Variants in RBFOX3 observed in about 807,000 individuals in gnomAD.
RBFOX3 encodes RNA binding fox-1 homolog 3.
A neutral mutation model predicts 48.7 loss-of-function variants in RBFOX3; 17 were observed. That is an observed-to-expected ratio of 0.35 (90% CI 0.24 to 0.52). The LOEUF (loss-of-function observed/expected upper bound fraction) is 0.52. RBFOX3 is among the 20% of genes least tolerant of loss of function. RBFOX3 has a pLI of 0.94. For synonymous variants in RBFOX3, 212 were observed against 209.5 expected (o/e 1.01, Z -0.10); for missense variants, 382 against 497.5 (o/e 0.77, Z 2.21).
chr17:79,306,092 G>C (rs988406353), intron 3 of RBFOX3, among the ~76,000 whole-genome samples: 1 of 152,228 alleles, frequency 6.6e-6, no homozygotes, highest in Non-Finnish European at 1.5e-5. Context: ...GAATCTAGCC[G>C]ATAGGGCTCC....
At position 79,311,062 on chromosome 17, in the gene RBFOX3, C is replaced by T. The variant is rs542580653; in HGVS notation, c.-174-3238G>A. On this transcript the variant is annotated intron_variant, in intron 2 of 14. Transcript: ENST00000693108. The surrounding 1 kb of genome is among the most constrained non-coding windows in gnomAD (Gnocchi z 4.2). ...GGTGGGTGGGCTTCATCCAGTCAGT[C>T]GAAAGGCTTCATCCGGTCAGTTAAA... 4.6e-5 allele frequency among the ~76,000 whole-genome samples: 7 copies of T among 152,206 alleles called. No homozygotes were observed. The highest frequency in any genetic ancestry group is 2.1e-4 in the South Asian group (1 of 4,822).
At chr17:79,578,451 T>TG (rs2092934344) in intron 1 of RBFOX3, among the ~76,000 whole-genome samples, 1 of 152,238 alleles carries the variant, frequency 6.6e-6, no homozygotes, top group African/African-American at 2.4e-5. Context: ...TGCCGTTCTT[T>TG]GGGGAGGTGG....
At chr17:79,645,164 G>A in the RBFOX3 span, among the ~76,000 whole-genome samples, 5 of 151,948 alleles carry the variant, frequency 3.3e-5, no homozygotes, top group East Asian at 3.9e-4. Context: ...GCCCCCGAAC[G>A]GTCTCCCCAC....
intron 3 of RBFOX3, among the ~76,000 whole-genome samples, chr17:79,273,536 T>A (rs2068117368): frequency 7.3e-6 from 1 of 137,388 alleles, no homozygotes; most frequent in Non-Finnish European, 1.5e-5. Flanking sequence ...AAGCCAGGCT[T>A]AGCTTGGCAG....
chr17:79,105,554 A>G (rs1166296951), intron 6 of RBFOX3, among the ~76,000 whole-genome samples: 1 of 152,184 alleles, frequency 6.6e-6, no homozygotes, highest in Admixed American at 6.5e-5. Flanking sequence ...CCAGCCCTCC[A>G]ATGAGTCTAG....
Position 79,548,088 on chromosome 17 carries a change from T to C in RBFOX3, c.-320+62738A>G, listed in dbSNP as rs552437241. Among the ~76,000 whole-genome samples the C allele has an allele frequency of 2.2e-4, 34 of 152,274 alleles. No homozygotes were observed. The South Asian group carries it at 5.8e-3, about 26-fold the overall frequency. On this transcript the variant is annotated intron_variant, in intron 1 of 14. Transcript: ENST00000693108. Reference sequence around the variant, plus strand: ...GGAAAAATCAAGTTCCCAGGCAGAGTTTCCACTCAGGTCTAGTGTCTTCTA... The same window carrying C: ...GGAAAAATCAAGTTCCCAGGCAGAGCTTCCACTCAGGTCTAGTGTCTTCTA...
chr17:79,573,536 G>C (rs1401506963), intron 1 of RBFOX3, among the ~76,000 whole-genome samples: 2 of 152,184 alleles, frequency 1.3e-5, no homozygotes, highest in Non-Finnish European at 2.9e-5. Flanking sequence ...GCCCTTCAAG[G>C]CTTTCACCCT....
chr17:79,097,529 T>G (rs1002609804), intron 10 of RBFOX3, 105 bp from the exon 11 acceptor site: 5 of 617,180 alleles, frequency 8.1e-6, no homozygotes, highest in Admixed American at 2.0e-4. Context: ...CCCCAACCCC[T>G]CCCCAAGCCC....
At chr17:79,168,140 C>T (rs1221716439) in intron 4 of RBFOX3, among the ~76,000 whole-genome samples, 3 of 152,202 alleles carry the variant, frequency 2.0e-5, no homozygotes, top group African/African-American at 4.8e-5. Context: ...CCCCGACCCT[C>T]GTTCGGGAGG....
At chr17:79,151,287 TGAAGG>T (rs1480972111) in intron 4 of RBFOX3, among the ~76,000 whole-genome samples, 3 of 149,516 alleles carry the variant, frequency 2.0e-5, no homozygotes, top group African/African-American at 7.4e-5. Flanking sequence ...GTGCCGGGGC[TGAAGG>T]GACCCTGGGT....
intron 4 of RBFOX3, among the ~76,000 whole-genome samples, chr17:79,175,910 G>T (rs1473267052): frequency 6.6e-6 from 1 of 152,200 alleles, no homozygotes; most frequent in African/African-American, 2.4e-5. Flanking sequence ...ACGGCTGGTG[G>T]ACTCCCCACT....
chr17:79,301,812 T>A (rs535525099), intron 3 of RBFOX3, among the ~76,000 whole-genome samples: 1 of 152,284 alleles, frequency 6.6e-6, no homozygotes, highest in East Asian at 1.9e-4. Flanking sequence ...ACAATGTGAA[T>A]GAGCCCCGAA....
At chr17:79,625,729 TTGC>T in the RBFOX3 span, among the ~76,000 whole-genome samples, 15 of 152,256 alleles carry the variant, frequency 9.9e-5, no homozygotes, top group East Asian at 2.7e-3. Context: ...GAGGTGGAAG[TTGC>T]AGTGAGCCGA....
At chr17:79,288,409 CCTT>C (rs1231260691) in intron 3 of RBFOX3, among the ~76,000 whole-genome samples, 2 of 152,162 alleles carry the variant, frequency 1.3e-5, no homozygotes, top group African/African-American at 4.8e-5. Context: ...AGTCTCCTGG[CCTT>C]CTTCTGCAGG....
chr17:79,466,255 C>T (rs535820214), intron 2 of RBFOX3, among the ~76,000 whole-genome samples: 6 of 152,326 alleles, frequency 3.9e-5, no homozygotes, highest in South Asian at 2.1e-4. Context: ...CACCCTCTCC[C>T]GGATTGTTCT....
chr17:79,183,232 CGGGGGCCGGGGCCGGGCG>C (rs1170724050), intron 4 of RBFOX3: 5 of 150,428 alleles, frequency 3.3e-5, no homozygotes, highest in Admixed American at 2.0e-4. Context: ...TGCGCCGGGC[CGGGGGCCGGGGCCGGGCG>C]GGGGGCCGCT....
intron 1 of RBFOX3, among the ~76,000 whole-genome samples, chr17:79,564,898 G>A (rs978322598): frequency 1.3e-5 from 2 of 151,988 alleles, no homozygotes; most frequent in Admixed American, 1.3e-4. Flanking sequence ...AAAATTAGCC[G>A]GGCGTGCTGG....
At chr17:79,476,370 T>C (rs1402618649) in intron 2 of RBFOX3, among the ~76,000 whole-genome samples, 2 of 152,252 alleles carry the variant, frequency 1.3e-5, no homozygotes, top group Non-Finnish European at 2.9e-5. Flanking sequence ...CCCGTTTTTC[T>C]ATTTTTTTAA....
At chr17:79,543,352 G>C (rs1405457973) in intron 1 of RBFOX3, among the ~76,000 whole-genome samples, 1 of 152,274 alleles carries the variant, frequency 6.6e-6, no homozygotes, top group Admixed American at 6.5e-5. Context: ...CGGAGGCTCA[G>C]ATAGGGCCGC....
Sources: gnomAD v4.1 joint callset for allele counts (sites outside exome capture counted in the v4.1 genomes callset) on GRCh38, gnomAD v4.1.1 for gene constraint, Gnocchi (gnomAD v3.1) non-coding constraint, MANE v1.5 for transcripts, NCBI Gene and HGNC (gene_info 2026-07-23, HGNC 2026-07-21) for gene names.